The following ARHGEF10L variants were observed in gnomAD, a reference collection of about 807,000 sequenced individuals.
The protein encoded by ARHGEF10L is Rho guanine nucleotide exchange factor 10 like, also known as rho guanine nucleotide exchange factor 10-like protein.
A neutral mutation model predicts 141.2 loss-of-function variants in ARHGEF10L; 69 were observed. That is an observed-to-expected ratio of 0.49 (90% CI 0.40 to 0.60). The LOEUF is 0.60. Among genes scored for constraint, ARHGEF10L ranks in the 20% least tolerant of loss-of-function variants. The pLI is 0.00. For synonymous variants in ARHGEF10L, 711 were observed against 718.5 expected, an observed-to-expected ratio of 0.99 and a Z score of 0.17; for missense variants, 1,482 against 1,734.3, an observed-to-expected ratio of 0.85 and a Z score of 2.58.
chr1:17,589,935 C>T (rs542909483), intron 4 of ARHGEF10L, among the ~76,000 whole-genome samples: 139 of 152,006 alleles, frequency 9.1e-4, no homozygotes, highest in African/African-American at 3.3e-3. Flanking sequence ...CCTGGCTCAG[C>T]GAGTGAATGG....
At chr1:17,544,749 T>C (rs1029730187) in intron 1 of ARHGEF10L, among the ~76,000 whole-genome samples, 15 of 152,146 alleles carry the variant, frequency 9.9e-5, no homozygotes, top group Non-Finnish European at 1.9e-4. Context: ...TTCATACTGC[T>C]ATGAAGAAAT....
chr1:17,656,402 C>G lies in ARHGEF10L; in HGVS notation c.2706-152C>G, dbSNP rs755203802. 4 of 968,558 alleles carry G rather than the reference C, an allele frequency of 4.1e-6. No individual in the cohort carries two copies. Among genetic ancestry groups the G allele is most frequent in the Non-Finnish European group, 6.2e-6 (4 of 640,634 alleles). 60.0% of individuals were successfully genotyped at this position (968,558 alleles called of 1,614,324 possible). On this transcript the variant is annotated intron_variant, in intron 24 of 28. Coordinates refer to ENST00000361221, the MANE Select transcript of ARHGEF10L (RefSeq NM_018125.4). The surrounding 1 kb of genome is among the most constrained non-coding windows in gnomAD (Gnocchi z 4.9). ...AGAAAACCATGGAAAAGTGAGCTCC[C>G]GCATGGTGGAGCTATGGCCTGGCCA...
chr1:17,694,326 A>T (rs547227500), intron 27 of ARHGEF10L: 1 of 156,002 alleles, frequency 6.4e-6, no homozygotes, highest in Admixed American at 6.2e-5. Context: ...GGAGTTTAGG[A>T]TGGGCCCCAG....
Position 17,624,474 on chromosome 1 carries a change from A to G in ARHGEF10L, c.1288A>G (p.Thr430Ala). Residue 430 changes from threonine to alanine, a missense_variant, in exon 13 of 29, where the codon ACC becomes GCC. Transcript: ENST00000361221. ...AMSIIKKACL[T>A]KPAFLEFLKR... ...GTCCATCATCAAGAAGGCCTGCCTCACCAAGCCTGCCTTCCTCGAGTTCCT... is the reference window on the plus strand; with the variant it reads ...GTCCATCATCAAGAAGGCCTGCCTCGCCAAGCCTGCCTTCCTCGAGTTCCT... 1.2e-6 allele frequency: 2 copies of G among 1,614,198 alleles called. 1 individual carries two copies. Among genetic ancestry groups the G allele is most frequent in the South Asian group, 2.2e-5 (2 of 91,078 alleles).
chr1:17,593,206 C>T (rs1379888024), intron 4 of ARHGEF10L, among the ~76,000 whole-genome samples: 2 of 152,304 alleles, frequency 1.3e-5, no homozygotes, highest in Non-Finnish European at 1.5e-5. Context: ...CTGCCTCACT[C>T]GTTTTTTATC....
chr1:17,646,130 T>C (rs531936240), intron 21 of ARHGEF10L, among the ~76,000 whole-genome samples: 1 of 152,336 alleles, frequency 6.6e-6, no homozygotes, highest in South Asian at 2.1e-4. Flanking sequence ...CGCCGGGTGC[T>C]GGCGCCTTCA....
chr1:17,696,780 A>C (rs2102628474), intron 28 of ARHGEF10L, 68 bp from the exon 29 acceptor site: 2 of 1,417,262 alleles, frequency 1.4e-6, no homozygotes, highest in East Asian at 2.3e-5. Flanking sequence ...TCCAGGAGAG[A>C]GACTCAGGTG....
upstream of ARHGEF10L, among the ~76,000 whole-genome samples, chr1:17,538,693 T>TAA (rs35238374): frequency 6.2e-4 from 80 of 129,628 alleles, no homozygotes; most frequent in African/African-American, 2.1e-3. Context: ...AGGGAGTAGT[T>TAA]AAAAAAAAAA....
In ARHGEF10L at chr1:17,567,023, C is replaced by T. The variant is rs569932869; in HGVS notation, c.-43-13530C>T. ...TGGAAGATGTGACTGCCATCACTCTCTTCCTGCTTTGCACCCTGATCTGGA... is the reference window on the plus strand; with the variant it reads ...TGGAAGATGTGACTGCCATCACTCTTTTCCTGCTTTGCACCCTGATCTGGA... On this transcript the variant is annotated intron_variant, in intron 1 of 28. Transcript: ENST00000361221. Among the ~76,000 whole-genome samples the T allele has an allele frequency of 2.6e-5, 4 of 152,344 alleles. No homozygotes were observed. The East Asian group carries it at 5.8e-4, about 22-fold the overall frequency.
At chr1:17,516,504 T>C in the ARHGEF10L span, among the ~76,000 whole-genome samples, 1 of 152,086 alleles carries the variant, frequency 6.6e-6, no homozygotes, top group Admixed American at 6.6e-5. Flanking sequence ...CTCTGGCAGC[T>C]CCACACTCCC....
chr1:17,527,520 C>A, the ARHGEF10L span, among the ~76,000 whole-genome samples: 1 of 152,146 alleles, frequency 6.6e-6, no homozygotes, highest in African/African-American at 2.4e-5. Context: ...TTTATGGCAC[C>A]ACCCGTACCC....
intron 1 of ARHGEF10L, among the ~76,000 whole-genome samples, chr1:17,561,467 A>T (rs375051215): frequency 2.0e-5 from 3 of 152,292 alleles, no homozygotes. Flanking sequence ...GGCAGCCCCA[A>T]TGAGCCCTCT....
chr1:17,633,464 C>T (rs2060821232), intron 16 of ARHGEF10L, among the ~76,000 whole-genome samples: 2 of 152,150 alleles, frequency 1.3e-5, no homozygotes, highest in Admixed American at 1.3e-4. Flanking sequence ...CTGCCTCAGC[C>T]TCCCGAGTAG....
chr1:17,616,019 G>A, intron 8 of ARHGEF10L, 75 bp from the exon 9 acceptor site: 5 of 1,278,482 alleles, frequency 3.9e-6, no homozygotes, highest in Non-Finnish European at 5.7e-6. Context: ...GCCGAGGCCT[G>A]GGGAGGCGGG....
At chr1:17,547,417 G>A (rs576622257) in intron 1 of ARHGEF10L, among the ~76,000 whole-genome samples, 1 of 152,304 alleles carries the variant, frequency 6.6e-6, no homozygotes, top group South Asian at 2.1e-4. Flanking sequence ...GCCCCAGAGT[G>A]CCCTCCTCTC....
At chr1:17,550,132 T>C (rs2077057579) in intron 1 of ARHGEF10L, among the ~76,000 whole-genome samples, 1 of 152,174 alleles carries the variant, frequency 6.6e-6, no homozygotes, top group South Asian at 2.1e-4. Context: ...GGGTTTGGGT[T>C]ATATATCAGC....
upstream of ARHGEF10L, among the ~76,000 whole-genome samples, chr1:17,538,981 T>A (rs1299076433): frequency 2.0e-5 from 3 of 152,202 alleles, no homozygotes; most frequent in East Asian, 5.8e-4. Flanking sequence ...GAGTACCTAG[T>A]GTTTGGCAGC....
chr1:17,569,326 G>C (rs1420028595), intron 1 of ARHGEF10L, among the ~76,000 whole-genome samples: 3 of 152,156 alleles, frequency 2.0e-5, no homozygotes, highest in Non-Finnish European at 2.9e-5. Flanking sequence ...GAGGGGTGTG[G>C]TTTGAATCAT....
chr1:17,610,964 C>A (rs969309315), intron 7 of ARHGEF10L, among the ~76,000 whole-genome samples: 2 of 147,206 alleles, frequency 1.4e-5, no homozygotes, highest in African/African-American at 5.2e-5. Context: ...TTTTTTTTTT[C>A]CAGTTGTGGG....
Sources: gnomAD v4.1 joint callset for allele counts (sites outside exome capture counted in the v4.1 genomes callset) on GRCh38, gnomAD v4.1.1 for gene constraint, Gnocchi (gnomAD v3.1) non-coding constraint, MANE v1.5 for transcripts, NCBI Gene and HGNC (gene_info 2026-07-23, HGNC 2026-07-21) for gene names.